GAB2: variants seen among roughly 807,000 people sequenced by gnomAD.
The protein encoded by GAB2 is GRB2-associated-binding protein 2.
Under a neutral mutation model 65.5 loss-of-function variants are expected in GAB2, and 26 were observed. The observed-to-expected ratio is 0.40, with a 90% CI of 0.29 to 0.55. GAB2 has a LOEUF of 0.55. GAB2 is among the 20% of genes least tolerant of loss of function. The pLI, the probability that GAB2 is intolerant of heterozygous loss-of-function variation, is 0.53. For synonymous variants in GAB2, 321 were observed against 329.6 expected, an observed-to-expected ratio of 0.97 and a Z score of 0.28; for missense variants, 884 against 875.8, an observed-to-expected ratio of 1.01 and a Z score of -0.12.
chr11:78,411,987 G>A (rs1228006151), intron 1 of GAB2, among the ~76,000 whole-genome samples: 1 of 151,912 alleles, frequency 6.6e-6, no homozygotes, highest in Admixed American at 6.6e-5. Flanking sequence ...CCAAGACTGT[G>A]CCACCGCACT....
intron 1 of GAB2, among the ~76,000 whole-genome samples, chr11:78,297,434 T>C (rs556056901): frequency 6.6e-6 from 1 of 152,206 alleles, no homozygotes; most frequent in African/African-American, 2.4e-5. Flanking sequence ...TACAAATTCA[T>C]GGAAAACACT....
chr11:78,231,372 G>A (rs926595266), intron 3 of GAB2, among the ~76,000 whole-genome samples: 18 of 84,578 alleles, frequency 2.1e-4, no homozygotes, highest in African/African-American at 6.5e-4. Context: ...TGTGTGTGTC[G>A]GAGTCTCATT....
At chr11:78,239,149 A>AC (rs1865063378) in intron 3 of GAB2, among the ~76,000 whole-genome samples, 1 of 152,134 alleles carries the variant, frequency 6.6e-6, no homozygotes, top group South Asian at 2.1e-4. Flanking sequence ...AGAAACCCCT[A>AC]CTGCTTGTCC....
At chr11:78,300,707 T>TG (rs200915966) in intron 1 of GAB2, among the ~76,000 whole-genome samples, 1 of 145,294 alleles carries the variant, frequency 6.9e-6, no homozygotes, top group African/African-American at 2.6e-5. Flanking sequence ...TTTTTTTTTT[T>TG]TTTTTGAGAC....
intron 1 of GAB2, among the ~76,000 whole-genome samples, chr11:78,304,497 T>C (rs1473871254): frequency 6.6e-6 from 1 of 152,200 alleles, no homozygotes; most frequent in African/African-American, 2.4e-5. Context: ...GGCAAGAATC[T>C]AGAGTAGAAG....
In GAB2 at chr11:78,406,062, T is replaced by C. The variant is rs531832555; in HGVS notation, c.75+11584A>G. Among the ~76,000 whole-genome samples, 70 of 152,184 alleles carry C rather than the reference T, an allele frequency of 4.6e-4. No individual in the cohort carries two copies. The Middle Eastern group carries it at 0.01, about 22-fold the overall frequency. On this transcript the variant is annotated intron_variant, in intron 1 of 9. Coordinates refer to ENST00000361507, the MANE Select transcript of GAB2 (RefSeq NM_080491.3). ...TGAGGCCAGGTGACACCTGCTAGGG[T>C]GGTGTCAAAGAAAGCCAAGTAGAAA...
intron 2 of GAB2, among the ~76,000 whole-genome samples, chr11:78,254,102 ACTT>A (rs1865532020): frequency 6.6e-6 from 1 of 152,144 alleles, no homozygotes; most frequent in Admixed American, 6.5e-5. Context: ...TGGGGAAGTC[ACTT>A]CACCTCTCAG....
intron 1 of GAB2, among the ~76,000 whole-genome samples, chr11:78,404,415 C>G (rs958017191): frequency 6.6e-6 from 1 of 152,130 alleles, no homozygotes; most frequent in African/African-American, 2.4e-5. Flanking sequence ...GGCCGGGTGG[C>G]GCATGTCTGT....
At chr11:78,409,313 G>A (rs747877727) in intron 1 of GAB2, among the ~76,000 whole-genome samples, 23 of 152,256 alleles carry the variant, frequency 1.5e-4, no homozygotes, top group South Asian at 4.1e-4. Context: ...GGCTGGGTGC[G>A]GTGGCTCATG....
At chr11:78,370,967 G>T (rs146994307) in intron 1 of GAB2, among the ~76,000 whole-genome samples, 6 of 152,234 alleles carry the variant, frequency 3.9e-5, no homozygotes, top group African/African-American at 1.4e-4. Context: ...GGCCAAATGG[G>T]GCTTAGGCAC....
At chr11:78,317,397 T>C (rs1275348577) in intron 1 of GAB2, among the ~76,000 whole-genome samples, 2 of 151,888 alleles carry the variant, frequency 1.3e-5, no homozygotes, top group Admixed American at 6.6e-5. Flanking sequence ...CCATCTCTAC[T>C]AAAAATACAA....
At chr11:78,231,329 C>CGT (rs200881927) in intron 3 of GAB2, among the ~76,000 whole-genome samples, 5,055 of 115,678 alleles carry the variant, frequency 0.044, 269 homozygotes, top group African/African-American at 0.14. Flanking sequence ...CGCGCGCGCG[C>CGT]GTGTGTGGTG....
intron 1 of GAB2, among the ~76,000 whole-genome samples, chr11:78,350,259 C>T (rs993671382): frequency 2.0e-5 from 3 of 152,136 alleles, no homozygotes; most frequent in Non-Finnish European, 4.4e-5. Flanking sequence ...TAGGCTCTAG[C>T]GGGTAGCTCA....
intron 1 of GAB2, among the ~76,000 whole-genome samples, chr11:78,343,962 C>A (rs773464765): frequency 6.6e-6 from 1 of 151,792 alleles, no homozygotes; most frequent in Non-Finnish European, 1.5e-5. Context: ...CTGAATAGCA[C>A]AGAATTAGAC....
At chr11:78,222,911 T>C (rs1019509667) in intron 6 of GAB2, among the ~76,000 whole-genome samples, 7 of 152,172 alleles carry the variant, frequency 4.6e-5, no homozygotes, top group African/African-American at 1.7e-4. Flanking sequence ...ATTTGAAGTA[T>C]AGATGGTCAC....
chr11:78,341,832 T>C (rs1442481782), intron 1 of GAB2: 1 of 985,186 alleles, frequency 1.0e-6, no homozygotes, highest in East Asian at 1.1e-4. Context: ...TTGTCTCAGT[T>C]ACTCCTCTCT....
intron 1 of GAB2, among the ~76,000 whole-genome samples, chr11:78,332,699 A>G (rs1855935797): frequency 6.6e-6 from 1 of 152,230 alleles, no homozygotes; most frequent in Non-Finnish European, 1.5e-5. Context: ...GTGAGTAATG[A>G]CAAATCATAG....
At chr11:78,264,798 T>G (rs1181182880) in intron 2 of GAB2, among the ~76,000 whole-genome samples, 3 of 152,178 alleles carry the variant, frequency 2.0e-5, no homozygotes, top group African/African-American at 7.2e-5. Flanking sequence ...ATAAACATAT[T>G]AATCACACAT....
intron 1 of GAB2, among the ~76,000 whole-genome samples, chr11:78,403,306 A>G (rs962339265): frequency 1.3e-5 from 2 of 152,258 alleles, no homozygotes; most frequent in Non-Finnish European, 2.9e-5. Flanking sequence ...CTTGAGTTTT[A>G]AAGAGTTAAA....
Sources: gnomAD v4.1 joint callset for allele counts (sites outside exome capture counted in the v4.1 genomes callset) on GRCh38, gnomAD v4.1.1 for gene constraint, MANE v1.5 for transcripts, NCBI Gene and HGNC (gene_info 2026-07-23, HGNC 2026-07-21) for gene names.